The following MMS19 variants were observed in gnomAD, a reference collection of about 807,000 sequenced individuals.
MMS19 encodes MMS19 nucleotide excision repair protein homolog.
A neutral mutation model predicts 129.8 loss-of-function variants in MMS19; 77 were observed. The ratio of observed to expected loss-of-function variants is 0.59; its 90% CI spans 0.49 to 0.72. MMS19 has a LOEUF of 0.72. Ranked by LOEUF, MMS19 falls within the 30% of genes least tolerant of loss-of-function variation. MMS19 has a pLI of 0.00. For synonymous variants in MMS19, 491 were observed against 502.8 expected (o/e 0.98, Z 0.31); for missense variants, 1,168 against 1,266.3 (o/e 0.92, Z 1.18).
chr10:97,464,524 G>A (rs1355685497), intron 18 of MMS19, among the ~76,000 whole-genome samples: 1 of 152,004 alleles, frequency 6.6e-6, no homozygotes, highest in Non-Finnish European at 1.5e-5. Context: ...GAGTTACCAG[G>A]GTACACTGTC....
intron 3 of MMS19, among the ~76,000 whole-genome samples, chr10:97,479,262 G>GT (rs1253258097): frequency 6.6e-6 from 1 of 152,076 alleles, no homozygotes; most frequent in Non-Finnish European, 1.5e-5. Context: ...CATTGGAGCC[G>GT]TATCATTTTG....
chr10:97,478,125 C>T (rs1443586158), intron 4 of MMS19, among the ~76,000 whole-genome samples, 179 bp downstream of exon 4: 1 of 152,164 alleles, frequency 6.6e-6, no homozygotes, highest in Non-Finnish European at 1.5e-5. Context: ...TTTCCAGTCC[C>T]CCAAAGTACA....
intron 8 of MMS19, among the ~76,000 whole-genome samples, chr10:97,476,335 T>A (rs1329260831): frequency 3.9e-5 from 6 of 152,240 alleles, no homozygotes; most frequent in African/African-American, 1.4e-4. Context: ...TAGCTCACAC[T>A]GAACTTTTGT....
At chr10:97,467,461 G>A in intron 14 of MMS19, 44 bp downstream of exon 14, 1 of 1,448,152 alleles carries the variant, frequency 6.9e-7, no homozygotes, top group Non-Finnish European at 9.7e-7. Flanking sequence ...ATAGGCTGAA[G>A]TGTTCAACAG....
At chr10:97,493,116 A>G (rs1190867504) in intron 1 of MMS19, among the ~76,000 whole-genome samples, 1 of 151,790 alleles carries the variant, frequency 6.6e-6, no homozygotes, top group African/African-American at 2.4e-5. Flanking sequence ...GGTTCAAGTG[A>G]TTCTCCTACC....
At chr10:97,459,320 GGA>G in intron 28 of MMS19, 38 bp from the exon 29 acceptor site, 1 of 1,612,168 alleles carries the variant, frequency 6.2e-7, no homozygotes, top group South Asian at 1.1e-5. Flanking sequence ...GCATGCCCAG[GGA>G]GAGATGCTGG....
Position 97,466,563 on chromosome 10 carries a change from C to A in MMS19, c.1446G>T (p.Leu482Phe). The change falls in exon 16 of 31, where the codon TTG (leucine) becomes TTT (phenylalanine). Residue 482 changes from leucine to phenylalanine, a missense_variant. Leu to Phe is a conservative substitution (Grantham distance 22, BLOSUM62 0). Around this residue, in one of 3 missense-constraint regions of MMS19, gnomAD observed 831 missense variants for 910.8 expected, o/e 0.91. Transcript: ENST00000438925. Reference sequence around the variant, plus strand: ...TGTACAGGTGACCCACTGCCAGCTCCAAGTCCTCATAAGATAGGAGATCTG... The same window carrying A: ...TGTACAGGTGACCCACTGCCAGCTCAAAGTCCTCATAAGATAGGAGATCTG... ...AQPDLLSYED[L>F]ELAVGHLYRL... The A allele has an allele frequency of 6.2e-7, 1 of 1,613,672 alleles. No homozygotes were observed. Among genetic ancestry groups the A allele is most frequent in the Non-Finnish European group, 8.5e-7 (1 of 1,179,632 alleles).
At chr10:97,475,413 C>CT (rs1319732926) in intron 8 of MMS19, among the ~76,000 whole-genome samples, 1 of 152,196 alleles carries the variant, frequency 6.6e-6, no homozygotes, top group Non-Finnish European at 1.5e-5. Context: ...AATGAATTAT[C>CT]TTTTCAAAAC....
At chr10:97,470,305 A>C in intron 9 of MMS19, 102 bp from the exon 10 acceptor site, 2 of 799,832 alleles carry the variant, frequency 2.5e-6, no homozygotes, top group Non-Finnish European at 4.3e-6. Context: ...CAGGTACTAC[A>C]TCAAGGAGCT....
chr10:97,466,065 G>C lies in MMS19; in HGVS notation c.1600C>G (p.Arg534Gly). ...GAGGATTAGAGACACATACCTACAC[G>C]CAGCTCCTCAGCGAGCTTGGGTACG... ...HLVPKLAEELRVGESNLTNGD... is the reference protein window; with the variant it reads ...HLVPKLAEELGVGESNLTNGD... The change falls in exon 17 of 31, where the codon CGT becomes GGT. Residue 534 changes from arginine (R) to glycine (G), a missense_variant. Arg to Gly is a moderately radical substitution (Grantham distance 125, BLOSUM62 -2). Around this residue, in one of 3 missense-constraint regions of MMS19, gnomAD observed 831 missense variants for 910.8 expected, o/e 0.91. Transcript: ENST00000438925. 2 of 1,613,670 alleles carry C rather than the reference G, an allele frequency of 1.2e-6. No homozygotes were observed. Among genetic ancestry groups the C allele is most frequent in the Non-Finnish European group, 1.7e-6 (2 of 1,179,712 alleles).
intron 2 of MMS19, among the ~76,000 whole-genome samples, chr10:97,483,844 C>G (rs532024180): frequency 6.6e-6 from 1 of 152,356 alleles, no homozygotes; most frequent in East Asian, 1.9e-4. Flanking sequence ...CATCCCAAAG[C>G]CATGGGCTGT....
chr10:97,477,309 C>T (rs1244603233), intron 6 of MMS19, 38 bp downstream of exon 6: 1 of 1,613,846 alleles, frequency 6.2e-7, no homozygotes, highest in Non-Finnish European at 8.5e-7. Flanking sequence ...GTAGGATGTG[C>T]TTGCTTTTGA....
intron 8 of MMS19, 105 bp from the exon 9 acceptor site, chr10:97,470,966 T>A: frequency 1.4e-6 from 1 of 715,244 alleles, no homozygotes; most frequent in East Asian, 3.1e-5. Flanking sequence ...TCATACCCAA[T>A]CAGGGAAGAT....
In MMS19 at chr10:97,469,124, T is replaced by C. The variant is rs1417553079; in HGVS notation, c.925-20A>G. 2 of 1,560,966 alleles carry C rather than the reference T, an allele frequency of 1.3e-6. No individual in the cohort carries two copies. The highest frequency in any genetic ancestry group is 1.4e-5 in the African/African-American group (1 of 73,900). On this transcript the variant is annotated intron_variant, in intron 11 of 30. Coordinates refer to ENST00000438925, the MANE Select transcript of MMS19 (RefSeq NM_022362.5). ...GAACACCTGTCAGGGAGGGATCCCA[T>C]GGCTACTGAGGTGAGCCTGCACCAG...
chr10:97,489,012 T>C (rs1376347706), intron 1 of MMS19, among the ~76,000 whole-genome samples: 1 of 152,212 alleles, frequency 6.6e-6, no homozygotes, highest in African/African-American at 2.4e-5. Context: ...GGCTGGATTG[T>C]ATTTTTAGTA....
intron 3 of MMS19, chr10:97,480,363 A>T (rs779838410): frequency 4.5e-6 from 2 of 445,724 alleles, no homozygotes; most frequent in South Asian, 3.2e-5. Flanking sequence ...TGCTCCTTAA[A>T]ACCAAAAAAA....
intron 2 of MMS19, among the ~76,000 whole-genome samples, chr10:97,483,816 GCCTT>G (rs1589745132): frequency 2.0e-5 from 3 of 152,256 alleles, no homozygotes; most frequent in African/African-American, 7.2e-5. Flanking sequence ...ACAGCTGATG[GCCTT>G]CAACCACGTA....
At chr10:97,478,960 T>C (rs974424172) in intron 3 of MMS19, among the ~76,000 whole-genome samples, 1 of 152,134 alleles carries the variant, frequency 6.6e-6, no homozygotes, top group Non-Finnish European at 1.5e-5. Flanking sequence ...GGGCATGTGG[T>C]GCTTGCCTAT....
At chr10:97,477,258 T>C in intron 6 of MMS19, 89 bp downstream of exon 6, 3 of 1,606,408 alleles carry the variant, frequency 1.9e-6, no homozygotes, top group East Asian at 2.2e-5. Context: ...AGCTCTTCTA[T>C]ATAACCCCAG....
Sources: gnomAD v4.1 joint callset for allele counts (sites outside exome capture counted in the v4.1 genomes callset) on GRCh38, gnomAD v4.1.1 for gene constraint, gnomAD v4.1.1 regional missense constraint, MANE v1.5 for transcripts, NCBI Gene and HGNC (gene_info 2026-07-23, HGNC 2026-07-21) for gene names.